The following ZNF804B variants were observed in gnomAD, a reference collection of about 807,000 sequenced individuals.
ZNF804B encodes zinc finger 804B.
Under a neutral mutation model 101.4 loss-of-function variants are expected in ZNF804B, and 80 were observed. The ratio of observed to expected loss-of-function variants is 0.79; its 90% CI spans 0.66 to 0.95. ZNF804B has a LOEUF of 0.95. ZNF804B is among the 40% of genes least tolerant of loss of function. The probability of loss-of-function intolerance (pLI) is 0.00; values close to 1 mark genes in which losing one functional copy is unlikely to be tolerated. For synonymous variants in ZNF804B, 622 were observed against 558.8 expected (o/e 1.11, Z -1.59); for missense variants, 1,673 against 1,561.9 (o/e 1.07, Z -1.20).
At chr7:88,897,914 C>G (rs1281773594) in intron 1 of ZNF804B, among the ~76,000 whole-genome samples, 1 of 150,450 alleles carries the variant, frequency 6.6e-6, no homozygotes, top group African/African-American at 2.4e-5. Flanking sequence ...AATAACAGTA[C>G]TTAACCTGCA....
chr7:89,284,069 A>T (rs879909918), intron 2 of ZNF804B, among the ~76,000 whole-genome samples: 6 of 152,230 alleles, frequency 3.9e-5, no homozygotes, highest in Admixed American at 3.3e-4. Context: ...CACACAGACC[A>T]TACATAGCCC....
chr7:88,987,363 C>T (rs972803028), intron 1 of ZNF804B, among the ~76,000 whole-genome samples: 5 of 152,104 alleles, frequency 3.3e-5, no homozygotes, highest in African/African-American at 1.2e-4. Flanking sequence ...AAACCCAGCA[C>T]ATTTCTGGAT....
chr7:89,117,895 C>T (rs991318704), intron 1 of ZNF804B, among the ~76,000 whole-genome samples: 1 of 151,812 alleles, frequency 6.6e-6, no homozygotes, highest in African/African-American at 2.4e-5. Context: ...TAAGATTGAT[C>T]GTGAATACTT....
At chr7:89,290,284 C>G (rs1008613820) in intron 2 of ZNF804B, among the ~76,000 whole-genome samples, 1 of 152,026 alleles carries the variant, frequency 6.6e-6, no homozygotes, top group African/African-American at 2.4e-5. Context: ...CAGCACATTC[C>G]AAGATCTGAT....
intron 2 of ZNF804B, among the ~76,000 whole-genome samples, chr7:89,295,306 A>C (rs13225600): frequency 0.12 from 18,770 of 152,108 alleles, 2,475 homozygotes; most frequent in East Asian, 0.69. Context: ...TCAGTACAAG[A>C]TGCTATGTAG....
chr7:89,266,588 T>A (rs1245915949), intron 2 of ZNF804B, among the ~76,000 whole-genome samples: 1 of 152,158 alleles, frequency 6.6e-6, no homozygotes, highest in Non-Finnish European at 1.5e-5. Flanking sequence ...CCAAAGTTCC[T>A]CTTGCATGAA....
intron 1 of ZNF804B, among the ~76,000 whole-genome samples, chr7:88,970,756 G>A (rs1793523853): frequency 7.1e-6 from 1 of 141,598 alleles, no homozygotes; most frequent in Admixed American, 7.6e-5. Context: ...CTCTTAGGTG[G>A]GAATTGAACA....
chr7:89,103,059 T>TTTTG (rs1562885434), intron 1 of ZNF804B, among the ~76,000 whole-genome samples: 1 of 125,240 alleles, frequency 8.0e-6, no homozygotes, highest in African/African-American at 3.5e-5. Flanking sequence ...TTTTTTTTTT[T>TTTTG]TTTTTTTTTT....
chr7:89,272,405 T>G (rs1789912199), intron 2 of ZNF804B, among the ~76,000 whole-genome samples: 1 of 152,144 alleles, frequency 6.6e-6, no homozygotes, highest in South Asian at 2.1e-4. Flanking sequence ...TAAAATTGAT[T>G]AATTAAAATT....
chr7:88,871,304 G>C (rs1007409168), intron 1 of ZNF804B, among the ~76,000 whole-genome samples: 1 of 151,946 alleles, frequency 6.6e-6, no homozygotes, highest in Non-Finnish European at 1.5e-5. Flanking sequence ...GACTATGCAG[G>C]CATACAAAGG....
intron 1 of ZNF804B, among the ~76,000 whole-genome samples, chr7:88,920,181 C>T (rs1792699673): frequency 6.6e-6 from 1 of 151,892 alleles, no homozygotes; most frequent in Non-Finnish European, 1.5e-5. Flanking sequence ...TAAATCAGAA[C>T]TCTCCTTCAT....
intron 1 of ZNF804B, among the ~76,000 whole-genome samples, chr7:88,856,439 T>G (rs1791560369): frequency 6.6e-6 from 1 of 152,172 alleles, no homozygotes; most frequent in African/African-American, 2.4e-5. Flanking sequence ...ATGCTTGTGA[T>G]TTTTGCACAT....
At chr7:89,281,692 T>A (rs1031627691) in intron 2 of ZNF804B, among the ~76,000 whole-genome samples, 5 of 152,116 alleles carry the variant, frequency 3.3e-5, no homozygotes, top group Non-Finnish European at 7.4e-5. Context: ...GTAGACTTTA[T>A]AAACAAGGTC....
chr7:88,949,530 A>G (rs1047013945), intron 1 of ZNF804B, among the ~76,000 whole-genome samples: 5 of 151,934 alleles, frequency 3.3e-5, no homozygotes, highest in Admixed American at 6.6e-5. Context: ...TGTATGTGGC[A>G]TATCTTCCAT....
At chr7:88,846,646 T>C (rs1382283119) in intron 1 of ZNF804B, among the ~76,000 whole-genome samples, 1 of 152,100 alleles carries the variant, frequency 6.6e-6, no homozygotes, top group African/African-American at 2.4e-5. Flanking sequence ...ACAGGAAGAA[T>C]GGAGGCCCAT....
rs541512289 is a variant in ZNF804B, at chr7:88,900,601, G to GA, written c.108+140526dup. On this transcript the variant is annotated intron_variant, in intron 1 of 3. Coordinates refer to ENST00000333190, the MANE Select transcript of ZNF804B (RefSeq NM_181646.5). ...ACTGTGATCAATATTGGGGAAAAGA[G>GA]AAAAAAAAATCTCTTTATTATTGAG... 3.7e-3 allele frequency among the ~76,000 whole-genome samples: 523 copies of GA among 142,368 alleles called. 4 individuals carry two copies. The highest frequency in any genetic ancestry group is 9.8e-3 in the South Asian group (43 of 4,370). 93.4% of individuals were successfully genotyped at this position (142,368 alleles called of 152,430 possible). A position where few individuals can be genotyped will look rare whatever the true frequency, so the allele number is the denominator to read the frequency against.
At chr7:89,143,884 T>C (rs1400806116) in intron 1 of ZNF804B, among the ~76,000 whole-genome samples, 1 of 152,010 alleles carries the variant, frequency 6.6e-6, no homozygotes, top group Non-Finnish European at 1.5e-5. Flanking sequence ...TGTATCACAT[T>C]CTCTTCCCAT....
chr7:88,923,187 TGA>T (rs1584018746), intron 1 of ZNF804B, among the ~76,000 whole-genome samples: 1 of 152,004 alleles, frequency 6.6e-6, no homozygotes, highest in Non-Finnish European at 1.5e-5. Flanking sequence ...TAAAGGGAAA[TGA>T]GAGAGAGTGA....
intron 1 of ZNF804B, among the ~76,000 whole-genome samples, chr7:88,989,995 G>A (rs919727728): frequency 2.6e-5 from 4 of 151,666 alleles, no homozygotes; most frequent in Non-Finnish European, 5.9e-5. Context: ...GTTCATAATA[G>A]CAAATTTGGA....
Sources: gnomAD v4.1 joint callset for allele counts (sites outside exome capture counted in the v4.1 genomes callset) on GRCh38, gnomAD v4.1.1 for gene constraint, MANE v1.5 for transcripts, NCBI Gene and HGNC (gene_info 2026-07-23, HGNC 2026-07-21) for gene names.